Variants in PCED1B observed in about 807,000 individuals in gnomAD.
PCED1B encodes PC-esterase domain containing 1B.
For synonymous variants in PCED1B, 251 were observed against 246.1 expected, an observed-to-expected ratio of 1.02 and a Z score of -0.19; for missense variants, 573 against 573.9, an observed-to-expected ratio of 1.00 and a Z score of 0.02.
chr12:47,121,858 C>T (rs564945264), intron 2 of PCED1B, among the ~76,000 whole-genome samples: 191 of 151,956 alleles, frequency 1.3e-3, no homozygotes, highest in African/African-American at 4.5e-3. Context: ...ATGGTGAAAC[C>T]CCGTCTCTAC....
intron 3 of PCED1B, among the ~76,000 whole-genome samples, chr12:47,222,581 A>C (rs933736697): frequency 7.9e-5 from 12 of 152,214 alleles, no homozygotes; most frequent in African/African-American, 2.9e-4. Flanking sequence ...AGAGACAAAG[A>C]TAATAGCTAC....
chr12:47,190,375 T>C (rs1293730733), intron 2 of PCED1B, among the ~76,000 whole-genome samples: 1 of 152,180 alleles, frequency 6.6e-6, no homozygotes, highest in Non-Finnish European at 1.5e-5. Context: ...ACTTCCTCCT[T>C]GTCCTGGTCT....
chr12:47,232,877 G>A (rs1943849901), intron 3 of PCED1B, among the ~76,000 whole-genome samples: 1 of 151,794 alleles, frequency 6.6e-6, no homozygotes, highest in Non-Finnish European at 1.5e-5. Context: ...TATGTTGTGT[G>A]TGTGTTGCCA....
chr12:47,211,996 A>C (rs1943102553), intron 2 of PCED1B, among the ~76,000 whole-genome samples: 3 of 148,588 alleles, frequency 2.0e-5, no homozygotes, highest in East Asian at 2.0e-4. Flanking sequence ...AATGGCGTGA[A>C]CCCGGGAGGC....
intron 3 of PCED1B, among the ~76,000 whole-genome samples, chr12:47,229,374 A>C (rs1943729791): frequency 6.6e-6 from 1 of 151,822 alleles, no homozygotes; most frequent in African/African-American, 2.4e-5. Flanking sequence ...AGATTGCACC[A>C]CTGTACTTCA....
chr12:47,131,414 A>G (rs1396300092), intron 2 of PCED1B, among the ~76,000 whole-genome samples: 1 of 152,164 alleles, frequency 6.6e-6, no homozygotes, highest in African/African-American at 2.4e-5. Flanking sequence ...CTATTTTCAT[A>G]GAAAACTTGT....
intron 2 of PCED1B, among the ~76,000 whole-genome samples, chr12:47,156,567 C>T (rs1384654799): frequency 2.6e-5 from 4 of 151,930 alleles, no homozygotes; most frequent in African/African-American, 9.7e-5. Context: ...GGGCTCAGGG[C>T]ACACAGGGCT....
chr12:47,229,350 T>A (rs905565557), intron 3 of PCED1B, among the ~76,000 whole-genome samples: 2 of 150,798 alleles, frequency 1.3e-5, no homozygotes, highest in Non-Finnish European at 3.0e-5. Context: ...AGAGGCAGAG[T>A]TTGCAGTGAA....
intron 2 of PCED1B, among the ~76,000 whole-genome samples, chr12:47,159,463 A>C (rs927407316): frequency 6.6e-6 from 1 of 152,010 alleles, no homozygotes; most frequent in Non-Finnish European, 1.5e-5. Context: ...ATGATATCTC[A>C]TTGTGGTTTT....
At chr12:47,134,484 C>A (rs563170628) in intron 2 of PCED1B, among the ~76,000 whole-genome samples, 112 of 152,156 alleles carry the variant, frequency 7.4e-4, no homozygotes, top group African/African-American at 2.5e-3. Flanking sequence ...TTAAACAGGG[C>A]AAGAACATAC....
intron 2 of PCED1B, among the ~76,000 whole-genome samples, chr12:47,174,292 C>T (rs1941850014): frequency 6.6e-6 from 1 of 152,048 alleles, no homozygotes; most frequent in African/African-American, 2.4e-5. Context: ...GCTTGTAATT[C>T]CAGCTACTCG....
chr12:47,225,138 G>A (rs1943597540), intron 3 of PCED1B, among the ~76,000 whole-genome samples: 1 of 152,068 alleles, frequency 6.6e-6, no homozygotes, highest in South Asian at 2.1e-4. Flanking sequence ...TGCCATGTTG[G>A]CCACGTTGGT....
chr12:47,215,575 G>C (rs568378248), intron 2 of PCED1B, among the ~76,000 whole-genome samples: 48 of 152,160 alleles, frequency 3.2e-4, no homozygotes, highest in African/African-American at 1.2e-3. Context: ...TTTTAAGCAC[G>C]CTGTCCCCTT....
chr12:47,159,245 C>T (rs2137493660), intron 2 of PCED1B, among the ~76,000 whole-genome samples: 1 of 152,200 alleles, frequency 6.6e-6, no homozygotes, highest in African/African-American at 2.4e-5. Context: ...TTCTTTTCCT[C>T]TGGATAAATA....
At chr12:47,136,575 TA>T (rs1940382098) in intron 2 of PCED1B, among the ~76,000 whole-genome samples, 1 of 152,236 alleles carries the variant, frequency 6.6e-6, no homozygotes, top group Non-Finnish European at 1.5e-5. Flanking sequence ...ACCAGAACTT[TA>T]AAAGATGACT....
At chr12:47,082,504 C>T (rs1428354134) in intron 1 of PCED1B, among the ~76,000 whole-genome samples, 2 of 152,204 alleles carry the variant, frequency 1.3e-5, no homozygotes, top group African/African-American at 4.8e-5. Context: ...TTTTCCACCC[C>T]ACCCCCTTTT....
At chr12:47,096,665 T>C (rs1012135149) in intron 1 of PCED1B, among the ~76,000 whole-genome samples, 1 of 152,188 alleles carries the variant, frequency 6.6e-6, no homozygotes, top group African/African-American at 2.4e-5. Flanking sequence ...TCCATTGCTT[T>C]AAGAGAAACC....
In PCED1B at chr12:47,235,465, C is replaced by T. The variant is rs1298372817; in HGVS notation, c.402C>T (p.Asn134=). The T allele has an allele frequency of 2.5e-6, 4 of 1,614,038 alleles. No individual in the cohort carries two copies. Among genetic ancestry groups the T allele is most frequent in the Non-Finnish European group, 3.4e-6 (4 of 1,179,944 alleles). ...GGGACATCTCCAGGTATGGTCCGAA[C>T]TCCTGGAGAAGCTACCTGGAGAACC... is the stretch of plus-strand genomic sequence containing the variant. ...CLWDISRYGP[N]SWRSYLENLE... The change falls in exon 4 of 4, where the codon AAC becomes AAT. Residue 134 remains asparagine, a synonymous_variant. Coordinates refer to ENST00000546455, the MANE Select transcript of PCED1B (RefSeq NM_138371.3).
intron 2 of PCED1B, among the ~76,000 whole-genome samples, chr12:47,160,447 A>C (rs904157979): frequency 2.4e-4 from 37 of 151,056 alleles, no homozygotes; most frequent in African/African-American, 7.5e-4. Flanking sequence ...GATTATAGGA[A>C]TGCACCACCA....
Sources: gnomAD v4.1 joint callset for allele counts (sites outside exome capture counted in the v4.1 genomes callset) on GRCh38, gnomAD v4.1.1 for gene constraint, MANE v1.5 for transcripts, NCBI Gene and HGNC (gene_info 2026-07-23, HGNC 2026-07-21) for gene names.